Variants in MINK1 observed in about 807,000 individuals in gnomAD.
MINK1 encodes the protein misshapen-like kinase 1.
MINK1 carries 46 observed loss-of-function variants against 178.4 expected under a neutral mutation model. The observed-to-expected ratio is 0.26, with a 90% CI of 0.20 to 0.33. The LOEUF (loss-of-function observed/expected upper bound fraction) is 0.33, where lower values mean the gene tolerates loss of function less well. Ranked by LOEUF, MINK1 falls within the 10% of genes least tolerant of loss-of-function variation. MINK1 has a pLI of 1.00. For missense variants in MINK1, 1,366 were observed against 1,814.9 expected (o/e 0.75, Z 4.49); for synonymous variants, 797 against 709.7 (o/e 1.12, Z -1.96).
At chr17:4,865,005 CA>C (rs1264551860) in intron 1 of MINK1, among the ~76,000 whole-genome samples, 6 of 152,244 alleles carry the variant, frequency 3.9e-5, no homozygotes, top group African/African-American at 2.4e-5. Flanking sequence ...TTTCCACGAC[CA>C]AAACCTTCCT....
At position 4,852,196 on chromosome 17, in the gene MINK1, G is replaced by GCATTA. The variant is rs1912110007; in HGVS notation, c.57+18556_57+18557insCATTA. Among the ~76,000 whole-genome samples, 3 of 152,044 alleles carry GCATTA rather than the reference G, an allele frequency of 2.0e-5. No individual in the cohort carries two copies. The South Asian group carries it at 6.2e-4, about 32-fold the overall frequency. ...GATGGAGATAATCCAAAACTAGTGT[G>GCATTA]AGAAACTGCTGCATTAAGGAAGGAG... On this transcript the variant is annotated intron_variant, in intron 1 of 31. Coordinates refer to ENST00000355280, the MANE Select transcript of MINK1 (RefSeq NM_153827.5).
intron 5 of MINK1, 103 bp from the exon 6 acceptor site, chr17:4,884,809 C>G: frequency 9.9e-7 from 1 of 1,010,432 alleles, no homozygotes; most frequent in Non-Finnish European, 1.5e-6. Context: ...TCAGCCCAGC[C>G]CTGTCCAGAC....
At position 4,895,831 on chromosome 17, in the gene MINK1, T is replaced by C. The variant is rs2151074897; in HGVS notation, c.3363T>C (p.Val1121=). ...TGGAGGGCTGCGGGCACTACCGTGT[T>C]GGTGAGGATGTCCCAACAGAGTGGC... is the stretch of plus-strand genomic sequence containing the variant. ...GDMEGCGHYR[V]VKYERIKFLV... is the part of the protein sequence containing the mutation. Residue 1121 remains valine, a splice_region_variant and synonymous_variant, in exon 27 of 32, where the codon GTT becomes GTC. Transcript: ENST00000355280. The surrounding 1 kb of genome is among the most constrained non-coding windows in gnomAD (Gnocchi z 4.3). The C allele has an allele frequency of 1.2e-6, 2 of 1,613,310 alleles. No individual in the cohort carries two copies. The highest frequency in any genetic ancestry group is 1.7e-5 in the Admixed American group (1 of 59,936).
intron 1 of MINK1, among the ~76,000 whole-genome samples, chr17:4,872,687 G>C (rs974488716): frequency 6.6e-6 from 1 of 150,388 alleles, no homozygotes; most frequent in African/African-American, 2.5e-5. Flanking sequence ...CAGGAGAATT[G>C]CTTGAACCCA....
chr17:4,871,452 TCCTC>T (rs1485377111), intron 1 of MINK1, among the ~76,000 whole-genome samples: 2 of 152,116 alleles, frequency 1.3e-5, no homozygotes, highest in Admixed American at 1.3e-4. Context: ...CCTCAAGTGA[TCCTC>T]CCGCCTCTGC....
rs1224657736 is a variant in MINK1 at position 4,896,926 on chromosome 17, C to T, written c.3915+113C>T. On this transcript the variant is annotated intron_variant, in intron 31 of 31. Coordinates refer to ENST00000355280, the MANE Select transcript of MINK1 (RefSeq NM_153827.5). This position sits in a 1 kb window ranked among gnomAD's most constrained non-coding sequence, Gnocchi z 4.6. ...GTGGTGGCTTCCTGAAAGCGGGCCCCTCTGGGAGCTCAGAGGGCAGTCAGC... is the reference window on the plus strand; with the variant it reads ...GTGGTGGCTTCCTGAAAGCGGGCCCTTCTGGGAGCTCAGAGGGCAGTCAGC... The T allele has an allele frequency of 1.0e-5, 14 of 1,382,400 alleles. No individual in the cohort carries two copies. The highest frequency in any genetic ancestry group is 1.3e-5 in the Non-Finnish European group (14 of 1,039,332). The allele number at this position is 1,382,400 out of a possible 1,614,324, so 85.6% of individuals were successfully genotyped here.
In MINK1 at chr17:4,833,458, T is replaced by A. The variant is rs1268710052; in HGVS notation, c.-126T>A. On this transcript the variant is annotated 5_prime_UTR_variant, in exon 1 of 32. Transcript: ENST00000355280. This position sits in a 1 kb window ranked among gnomAD's most constrained non-coding sequence, Gnocchi z 4.8. The stretch of plus-strand genomic sequence containing the variant: ...TCGCGCCGGCCCTCCCCCTCCCCGG[T>A]CTCCGGGGGAGGCGCGGTGGAGTCC... The A allele has an allele frequency of 4.1e-6, 3 of 727,248 alleles. No individual in the cohort carries two copies. Among genetic ancestry groups the A allele is most frequent in the Non-Finnish European group, 6.5e-6 (3 of 464,276 alleles). The allele number at this position is 727,248 out of a possible 1,614,324, so 45.0% of individuals were successfully genotyped here. A position where few individuals can be genotyped will look rare whatever the true frequency, so the allele number is the denominator to read the frequency against.
At chr17:4,849,350 T>C (rs1911559217) in intron 1 of MINK1, among the ~76,000 whole-genome samples, 1 of 152,120 alleles carries the variant, frequency 6.6e-6, no homozygotes, top group South Asian at 2.1e-4. Flanking sequence ...GCCTCACCCT[T>C]GGGGACACAC....
chr17:4,872,907 C>T (rs1292198403), intron 1 of MINK1, among the ~76,000 whole-genome samples: 1 of 152,194 alleles, frequency 6.6e-6, no homozygotes, highest in Admixed American at 6.5e-5. Context: ...TGATTTTCCC[C>T]CTTCCTCTCA....
intron 1 of MINK1, among the ~76,000 whole-genome samples, chr17:4,858,349 C>T (rs999882340): frequency 3.9e-5 from 6 of 152,050 alleles, no homozygotes; most frequent in African/African-American, 1.5e-4. Flanking sequence ...AACTGGTACC[C>T]GATAAACAGA....
At chr17:4,871,685 T>C (rs1915874506) in intron 1 of MINK1, among the ~76,000 whole-genome samples, 1 of 152,330 alleles carries the variant, frequency 6.6e-6, no homozygotes, top group African/African-American at 2.4e-5. Flanking sequence ...CTTGAGTATC[T>C]ACCTAGAAGT....
Position 4,895,093 on chromosome 17 carries a change from G to A in MINK1, c.2936G>A (p.Gly979Asp), listed in dbSNP as rs780619614. The A allele has an allele frequency of 2.6e-5, 42 of 1,613,452 alleles. No homozygotes were observed. Among genetic ancestry groups the A allele is most frequent in the Non-Finnish European group, 3.6e-5 (42 of 1,179,994 alleles). ...IPITALVGGE[G>D]TRLDQLQYDV... ...CTGGCAGCCCTAGTGGGTGGAGAGGGCACTCGGCTCGACCAGCTGCAGTAC... is the reference window on the plus strand; with the variant it reads ...CTGGCAGCCCTAGTGGGTGGAGAGGACACTCGGCTCGACCAGCTGCAGTAC... Residue 979 changes from glycine (G) to aspartate (D), a missense_variant, in exon 25 of 32, where the codon GGC becomes GAC. Gly to Asp is a moderately conservative substitution (Grantham distance 94, BLOSUM62 -1). Transcript: ENST00000355280. The surrounding 1 kb of genome is among the most constrained non-coding windows in gnomAD (Gnocchi z 4.3).
intron 1 of MINK1, among the ~76,000 whole-genome samples, chr17:4,854,358 C>T (rs941416696): frequency 3.3e-5 from 5 of 152,202 alleles, no homozygotes; most frequent in African/African-American, 9.6e-5. Context: ...CAGACCAGGG[C>T]CCCTGTCTGA....
intron 1 of MINK1, chr17:4,857,465 T>TG (rs1256617982): frequency 3.6e-5 from 5 of 140,334 alleles, no homozygotes; most frequent in Non-Finnish European, 7.7e-5. Flanking sequence ...CTGGTTTTTT[T>TG]TTTTTTTTTT....
rs549638837 is a variant in MINK1 at position 4,865,300 on chromosome 17, G to C, written c.58-13017G>C. Among the ~76,000 whole-genome samples the C allele has an allele frequency of 2.7e-3, 412 of 151,502 alleles. 1 individual carries two copies. Among genetic ancestry groups the C allele is most frequent in the African/African-American group, 9.7e-3 (398 of 41,240 alleles). On this transcript the variant is annotated intron_variant, in intron 1 of 31. Transcript: ENST00000355280. ...ACACAAAAAATTAGCCGGGTGTAGTGGTGGGCGCCTGTAATCCCAGCTACT... is the reference window on the plus strand; with the variant it reads ...ACACAAAAAATTAGCCGGGTGTAGTCGTGGGCGCCTGTAATCCCAGCTACT...
chr17:4,848,788 C>T (rs540157122), intron 1 of MINK1, among the ~76,000 whole-genome samples: 23 of 152,278 alleles, frequency 1.5e-4, no homozygotes, highest in Non-Finnish European at 2.4e-4. Context: ...TAAGCCACCG[C>T]GAACCTGGCC....
chr17:4,887,915 A>G lies in MINK1; in HGVS notation c.1230+125A>G, dbSNP rs192005508. The G allele has an allele frequency of 7.2e-5, 56 of 774,122 alleles. No homozygotes were observed. The Admixed American group carries it at 1.6e-3, about 22-fold the overall frequency. 48.0% of individuals were successfully genotyped at this position (774,122 alleles called of 1,614,324 possible). A position where few individuals can be genotyped will look rare whatever the true frequency, so the allele number is the denominator to read the frequency against. Reference sequence around the variant, plus strand: ...GAATGGCATTTCTGTTGAAACAATTATATGATTTCAAATTTCATGATGAGC... The same window carrying G: ...GAATGGCATTTCTGTTGAAACAATTGTATGATTTCAAATTTCATGATGAGC... On this transcript the variant is annotated intron_variant, in intron 12 of 31. Transcript: ENST00000355280. The surrounding 1 kb of genome is among the most constrained non-coding windows in gnomAD (Gnocchi z 7.6).
At chr17:4,859,880 C>T (rs1913853542) in intron 1 of MINK1, among the ~76,000 whole-genome samples, 1 of 150,206 alleles carries the variant, frequency 6.7e-6, no homozygotes, top group Admixed American at 6.6e-5. Context: ...AAAACCTTTA[C>T]CCCTCAAAGG....
At chr17:4,893,405 C>T (rs1470096676) in intron 20 of MINK1, 29 bp from the exon 21 acceptor site, 12 of 1,600,370 alleles carry the variant, frequency 7.5e-6, no homozygotes, top group Non-Finnish European at 5.1e-6. Context: ...CCAGCTTCTC[C>T]CTGCCCCTCA....
Sources: allele counts gnomAD v4.1 joint callset (sites outside exome capture counted in the v4.1 genomes callset), GRCh38; gene constraint gnomAD v4.1.1; non-coding constraint Gnocchi (gnomAD v3.1); transcripts MANE v1.5; gene names NCBI Gene and HGNC (gene_info 2026-07-23, HGNC 2026-07-21).